The following WNK3 variants were observed in gnomAD, a reference collection of about 807,000 sequenced individuals.
The protein encoded by WNK3 is serine/threonine-protein kinase WNK3.
Under a neutral mutation model 116.7 loss-of-function variants are expected in WNK3, and 18 were observed. The ratio of observed to expected loss-of-function variants is 0.15; its 90% CI spans 0.11 to 0.23. The LOEUF (loss-of-function observed/expected upper bound fraction) is 0.23, where lower values mean the gene tolerates loss of function less well. Ranked by LOEUF, WNK3 falls within the 10% of genes least tolerant of loss-of-function variation. WNK3 has a pLI of 1.00. For synonymous variants in WNK3, 404 were observed against 469.4 expected (o/e 0.86, Z 1.80); for missense variants, 993 against 1,323.8 (o/e 0.75, Z 3.88).
chrX:54,305,297 C>T (rs1196153117), intron 5 of WNK3, among the ~76,000 whole-genome samples: 1 of 111,782 alleles, frequency 8.9e-6, no homozygotes, highest in African/African-American at 3.2e-5. Flanking sequence ...TAGAAATAAC[C>T]ATACAATGAG....
chrX:54,326,089 T>C (rs1569539033), intron 2 of WNK3, among the ~76,000 whole-genome samples: 1 of 110,015 alleles, frequency 9.1e-6, no homozygotes, highest in Non-Finnish European at 1.9e-5. Context: ...TGTTTGTTTG[T>C]TTGATTTTTT....
exon 17 of WNK3, chrX:54,249,480 C>A (rs782786256): frequency 1.7e-6 from 2 of 1,211,707 alleles, no homozygotes; most frequent in Admixed American, 4.4e-5. Flanking sequence ...GTATAGCTGG[C>A]TGCTTGGTTT....
intron 1 of WNK3, among the ~76,000 whole-genome samples, chrX:54,357,193 G>GCGAT (rs1352680178): frequency 1.8e-5 from 2 of 109,713 alleles, no homozygotes; most frequent in East Asian, 5.7e-4. Context: ...CACACCCGAA[G>GCGAT]CGATCTTCCC....
At chrX:54,214,174 G>C (rs781798446) in intron 22 of WNK3, among the ~76,000 whole-genome samples, 141 of 110,440 alleles carry the variant, frequency 1.3e-3, no homozygotes, top group African/African-American at 4.5e-3. Flanking sequence ...GTAGACACGG[G>C]GTTTTGCCAT....
At chrX:54,317,254 G>A (rs1377281163) in intron 2 of WNK3, among the ~76,000 whole-genome samples, 2 of 109,254 alleles carry the variant, frequency 1.8e-5, no homozygotes, top group Non-Finnish European at 3.8e-5. Context: ...CCGCCTGCCG[G>A]GTTCAAGCAA....
intron 22 of WNK3, among the ~76,000 whole-genome samples, chrX:54,214,744 G>A (rs2067662342): frequency 9.0e-6 from 1 of 110,913 alleles, no homozygotes; most frequent in Admixed American, 9.6e-5. Flanking sequence ...TGGGCGCGGT[G>A]GCTCACGCCT....
chrX:54,301,014 G>A (rs782290226), intron 6 of WNK3, among the ~76,000 whole-genome samples: 2 of 110,463 alleles, frequency 1.8e-5, no homozygotes, highest in African/African-American at 6.6e-5. Context: ...AGGCTGAGAC[G>A]GGTGGATCAC....
intron 22 of WNK3, among the ~76,000 whole-genome samples, chrX:54,212,170 G>A (rs145017407): frequency 0.019 from 2,101 of 112,353 alleles, 50 homozygotes; most frequent in African/African-American, 0.065. Flanking sequence ...AGCTTGCAGT[G>A]AATGGAGATC....
At chrX:54,275,787 T>C (rs1295764440) in intron 10 of WNK3, among the ~76,000 whole-genome samples, 2 of 110,739 alleles carry the variant, frequency 1.8e-5, no homozygotes, top group Non-Finnish European at 3.8e-5. Context: ...ACATTAACTA[T>C]ACACTTTCTA....
chrX:54,228,570 T>C (rs2067867796), intron 22 of WNK3, 144 bp downstream of exon 22: 2 of 326,242 alleles, frequency 6.1e-6, no homozygotes, highest in Non-Finnish European at 1.1e-5. Context: ...GTTGAAAATA[T>C]TCCAAAATCA....
At chrX:54,318,701 GA>G (rs1176611707) in intron 2 of WNK3, among the ~76,000 whole-genome samples, 9 of 109,764 alleles carry the variant, frequency 8.2e-5, no homozygotes, top group Non-Finnish European at 1.3e-4. Flanking sequence ...ACCCTGTCTT[GA>G]AAAAAAATAA....
chrX:54,258,339 T>G (rs2068220076), intron 11 of WNK3, among the ~76,000 whole-genome samples: 1 of 108,756 alleles, frequency 9.2e-6, no homozygotes, highest in South Asian at 4.0e-4. Context: ...AACAAGAATT[T>G]TATTTATTTA....
At chrX:54,218,621 C>T (rs960780143) in intron 22 of WNK3, among the ~76,000 whole-genome samples, 7 of 107,167 alleles carry the variant, frequency 6.5e-5, no homozygotes, top group Non-Finnish European at 1.2e-4. Flanking sequence ...GTGGTGGCTA[C>T]GCCTGTAATC....
chrX:54,319,498 A>C (rs781944262), intron 2 of WNK3, among the ~76,000 whole-genome samples: 3 of 112,312 alleles, frequency 2.7e-5, no homozygotes, highest in Admixed American at 9.5e-5. Context: ...TTCTGATTAA[A>C]TTAGTAGAAT....
At chrX:54,196,536 C>T (rs782254523) in exon 24 of WNK3, 8 of 107,251 alleles carry the variant, frequency 7.5e-5, no homozygotes, top group East Asian at 5.8e-4. Context: ...TAGAAGAATA[C>T]GGAGGAAAAT....
intron 1 of WNK3, among the ~76,000 whole-genome samples, chrX:54,354,974 C>T (rs2069573481): frequency 9.0e-6 from 1 of 110,846 alleles, no homozygotes; most frequent in African/African-American, 3.3e-5. Flanking sequence ...ATCCCAGCTA[C>T]TAGGGAGGCT....
intron 2 of WNK3, among the ~76,000 whole-genome samples, chrX:54,326,650 T>G (rs920416626): frequency 2.7e-5 from 3 of 109,382 alleles, no homozygotes; most frequent in African/African-American, 6.7e-5. Context: ...CCAAGCAACA[T>G]AGTGAGACCC....
chrX:54,335,183 C>T (rs372498005), intron 1 of WNK3, among the ~76,000 whole-genome samples: 8 of 110,272 alleles, frequency 7.3e-5, no homozygotes, highest in East Asian at 2.8e-4. Flanking sequence ...GAGAATCACT[C>T]GAACCTGGGA....
At chrX:54,320,199 C>A (rs2069013046) in intron 2 of WNK3, among the ~76,000 whole-genome samples, 1 of 111,768 alleles carries the variant, frequency 8.9e-6, no homozygotes, top group Non-Finnish European at 1.9e-5. Flanking sequence ...ATATGGAATG[C>A]TAAAAGTGTA....
Sources: allele counts gnomAD v4.1 joint callset (sites outside exome capture counted in the v4.1 genomes callset), GRCh38; gene constraint gnomAD v4.1.1; transcripts MANE v1.5; gene names NCBI Gene and HGNC (gene_info 2026-07-23, HGNC 2026-07-21).